SLC9A9: variants seen among roughly 807,000 people sequenced by gnomAD.
SLC9A9 encodes the protein solute carrier family 9 member A9.
SLC9A9 carries 62 observed loss-of-function variants against 77.8 expected under a neutral mutation model. That is an observed-to-expected ratio of 0.80 (90% CI 0.65 to 0.98). The LOEUF is 0.98. Among genes scored for constraint, SLC9A9 ranks in the 50% least tolerant of loss-of-function variants. SLC9A9 has a pLI of 0.00. For synonymous variants in SLC9A9, 320 were observed against 283.5 expected, an observed-to-expected ratio of 1.13 and a Z score of -1.29; for missense variants, 775 against 774.9, an observed-to-expected ratio of 1.00 and a Z score of 0.00.
intron 14 of SLC9A9, among the ~76,000 whole-genome samples, chr3:143,304,060 T>C (rs1040547309): frequency 4.6e-5 from 7 of 152,172 alleles, no homozygotes; most frequent in African/African-American, 1.7e-4. Flanking sequence ...CTTAGACCTT[T>C]GTGGGAAGAT....
intron 5 of SLC9A9, among the ~76,000 whole-genome samples, chr3:143,658,759 A>G (rs1015830111): frequency 6.6e-6 from 1 of 152,168 alleles, no homozygotes; most frequent in Admixed American, 6.5e-5. Flanking sequence ...GCAGTCACTG[A>G]GAGTAGAAAA....
rs374155901 is a variant in SLC9A9 at position 143,631,331 on chromosome 3, G to A, written c.755+20924C>T. Reference sequence around the variant, plus strand: ...ACAGGAGAGCAACTACAATGATGAAGGGAATCAGAACTATATCTTATACAG... The same window carrying A: ...ACAGGAGAGCAACTACAATGATGAAAGGAATCAGAACTATATCTTATACAG... On this transcript the variant is annotated intron_variant, in intron 6 of 15. Coordinates refer to ENST00000316549, the MANE Select transcript of SLC9A9 (RefSeq NM_173653.4). Among the ~76,000 whole-genome samples the A allele has an allele frequency of 1.6e-4, 25 of 152,226 alleles. No homozygotes were observed. The South Asian group carries it at 4.8e-3, about 29-fold the overall frequency.
chr3:143,365,434 G>T (rs1379013391), intron 13 of SLC9A9, among the ~76,000 whole-genome samples: 1 of 152,066 alleles, frequency 6.6e-6, no homozygotes, highest in Non-Finnish European at 1.5e-5. Context: ...AGTTAAAAAA[G>T]AAAGGAAAAT....
intron 6 of SLC9A9, among the ~76,000 whole-genome samples, chr3:143,643,974 T>TA (rs5853117): frequency 0.17 from 24,403 of 146,016 alleles, 1,961 homozygotes; most frequent in Middle Eastern, 0.2. Context: ...TATTTTGAGC[T>TA]AAAAAAAAAA....
intron 9 of SLC9A9, among the ~76,000 whole-genome samples, chr3:143,515,960 T>G (rs1284690026): frequency 6.6e-6 from 1 of 152,254 alleles, no homozygotes; most frequent in Non-Finnish European, 1.5e-5. Context: ...TGGAGTGATC[T>G]ATTCCTTGAA....
At position 143,469,857 on chromosome 3, in the gene SLC9A9, C is replaced by T. The variant is rs115905672; in HGVS notation, c.1316-2667G>A. 1.5e-3 allele frequency among the ~76,000 whole-genome samples: 226 copies of T among 152,220 alleles called. 1 individual carries two copies. The highest frequency in any genetic ancestry group is 5.4e-3 in the African/African-American group (224 of 41,532). The stretch of plus-strand genomic sequence containing the variant: ...AATGGCCTATAGATAAGGAAGATAA[C>T]ATTTGAAGTAGATATTAATAAAAAA... On this transcript the variant is annotated intron_variant, in intron 11 of 15. Transcript: ENST00000316549.
At chr3:143,765,255 T>C (rs2007277857) in intron 4 of SLC9A9, among the ~76,000 whole-genome samples, 1 of 151,634 alleles carries the variant, frequency 6.6e-6, no homozygotes, top group South Asian at 2.1e-4. Flanking sequence ...CCCAGGCTGG[T>C]CTTGAACTCC....
At chr3:143,542,629 C>T (rs2036708128) in intron 9 of SLC9A9, among the ~76,000 whole-genome samples, 1 of 152,160 alleles carries the variant, frequency 6.6e-6, no homozygotes, top group South Asian at 2.1e-4. Flanking sequence ...TTCAATATAT[C>T]AAGATTACCC....
intron 9 of SLC9A9, among the ~76,000 whole-genome samples, chr3:143,505,878 C>A (rs1228423376): frequency 6.6e-6 from 1 of 152,114 alleles, no homozygotes; most frequent in East Asian, 1.9e-4. Context: ...AAGCTTATAA[C>A]TTAAGGGGAA....
chr3:143,793,516 TTAC>T (rs1404958075), intron 4 of SLC9A9, among the ~76,000 whole-genome samples: 1 of 152,204 alleles, frequency 6.6e-6, no homozygotes, highest in Non-Finnish European at 1.5e-5. Flanking sequence ...AAATAAATCT[TTAC>T]TACTAACCAA....
At chr3:143,545,026 A>T (rs906474260) in intron 9 of SLC9A9, among the ~76,000 whole-genome samples, 1 of 151,986 alleles carries the variant, frequency 6.6e-6, no homozygotes, top group Non-Finnish European at 1.5e-5. Flanking sequence ...TTATTGCCCT[A>T]TGTGTCCATT....
intron 6 of SLC9A9, among the ~76,000 whole-genome samples, chr3:143,623,190 C>T (rs142846465): frequency 0.014 from 2,105 of 152,230 alleles, 44 homozygotes; most frequent in African/African-American, 0.048. Flanking sequence ...CCACTGTCAA[C>T]GTCAGACAGA....
intron 12 of SLC9A9, among the ~76,000 whole-genome samples, chr3:143,431,485 C>CG (rs1553754145): frequency 1.5e-5 from 2 of 130,116 alleles, no homozygotes; most frequent in Non-Finnish European, 3.2e-5. Context: ...CTGCCCCCAC[C>CG]TTTTTTTTTT....
intron 9 of SLC9A9, among the ~76,000 whole-genome samples, chr3:143,519,790 T>C (rs2036265390): frequency 6.6e-6 from 1 of 152,162 alleles, no homozygotes; most frequent in African/African-American, 2.4e-5. Flanking sequence ...GAGGATTTTT[T>C]GAAGGACCAA....
chr3:143,280,415 C>T (rs73868709), intron 14 of SLC9A9, among the ~76,000 whole-genome samples: 4,978 of 152,172 alleles, frequency 0.033, 98 homozygotes, highest in South Asian at 0.063. Context: ...TGAGCAGACA[C>T]AAGGAGAGCC....
intron 5 of SLC9A9, among the ~76,000 whole-genome samples, chr3:143,657,630 A>T (rs1447250672): frequency 6.6e-6 from 1 of 152,228 alleles, no homozygotes; most frequent in Non-Finnish European, 1.5e-5. Context: ...CAACAGATTG[A>T]ATGCAGAAGC....
chr3:143,359,098 G>T (rs1041106575), intron 14 of SLC9A9, among the ~76,000 whole-genome samples: 16 of 152,214 alleles, frequency 1.1e-4, no homozygotes, highest in Non-Finnish European at 2.2e-4. Flanking sequence ...TCTGCTTTCA[G>T]ACTCACTTAG....
At chr3:143,378,562 C>T (rs1332161148) in intron 13 of SLC9A9, among the ~76,000 whole-genome samples, 1 of 152,138 alleles carries the variant, frequency 6.6e-6, no homozygotes, top group Non-Finnish European at 1.5e-5. Context: ...AAAAGAGAAG[C>T]AATACTGGCA....
chr3:143,579,889 A>T (rs113842366), intron 6 of SLC9A9, among the ~76,000 whole-genome samples: 3 of 152,238 alleles, frequency 2.0e-5, no homozygotes, highest in Non-Finnish European at 1.5e-5. Context: ...TTCTACAGGA[A>T]GATGTGTGGC....
Sources: gnomAD v4.1 joint callset for allele counts (sites outside exome capture counted in the v4.1 genomes callset) on GRCh38, gnomAD v4.1.1 for gene constraint, MANE v1.5 for transcripts, NCBI Gene and HGNC (gene_info 2026-07-23, HGNC 2026-07-21) for gene names.